The following GRID2 variants were observed in gnomAD, a reference collection of about 807,000 sequenced individuals.
GRID2 encodes the protein glutamate ionotropic receptor delta type subunit 2.
In GRID2, 33 loss-of-function variants were observed where a neutral mutation model predicts 114.8. The observed-to-expected ratio is 0.29, with a 90% CI of 0.22 to 0.38. The LOEUF (loss-of-function observed/expected upper bound fraction) is 0.38. Ranked by LOEUF, GRID2 falls within the 10% of genes least tolerant of loss-of-function variation. GRID2 has a pLI of 1.00. For synonymous variants in GRID2, 505 were observed against 449.9 expected, an observed-to-expected ratio of 1.12 and a Z score of -1.55; for missense variants, 1,184 against 1,257.7, an observed-to-expected ratio of 0.94 and a Z score of 0.89.
At chr4:92,883,859 G>A (rs1428278035) in intron 2 of GRID2, among the ~76,000 whole-genome samples, 2 of 152,158 alleles carry the variant, frequency 1.3e-5, no homozygotes. Flanking sequence ...TGAAGAATAG[G>A]TTAGTATAAA....
chr4:92,539,431 A>T (rs536149143), intron 1 of GRID2, among the ~76,000 whole-genome samples: 68 of 152,202 alleles, frequency 4.5e-4, no homozygotes, highest in African/African-American at 1.6e-3. Flanking sequence ...TAGAAATATA[A>T]TTTTTCTTAT....
intron 9 of GRID2, among the ~76,000 whole-genome samples, chr4:93,420,789 T>C (rs1231734488): frequency 6.6e-6 from 1 of 151,890 alleles, no homozygotes; most frequent in East Asian, 1.9e-4. Context: ...AGTCTCACTC[T>C]GTTGCCCAGG....
At chr4:92,356,244 A>G (rs1728315676) in intron 1 of GRID2, among the ~76,000 whole-genome samples, 1 of 151,582 alleles carries the variant, frequency 6.6e-6, no homozygotes, top group African/African-American at 2.4e-5. Flanking sequence ...TTCTGAAACA[A>G]TAGTTTTATT....
intron 1 of GRID2, among the ~76,000 whole-genome samples, chr4:92,431,320 T>C (rs994645359): frequency 9.9e-5 from 15 of 152,188 alleles, no homozygotes; most frequent in African/African-American, 3.6e-4. Flanking sequence ...TGAAGGGATG[T>C]TGAATTTTAT....
intron 1 of GRID2, among the ~76,000 whole-genome samples, chr4:92,519,921 G>C (rs1382659229): frequency 6.6e-6 from 1 of 151,830 alleles, no homozygotes; most frequent in Non-Finnish European, 1.5e-5. Context: ...ATTGGGGGGC[G>C]GAATTTGCTT....
At chr4:93,134,790 G>A (rs1231543042) in intron 4 of GRID2, among the ~76,000 whole-genome samples, 1 of 152,060 alleles carries the variant, frequency 6.6e-6, no homozygotes, top group East Asian at 1.9e-4. Context: ...GGGTAGTAGA[G>A]GTCCCTTCAC....
intron 9 of GRID2, among the ~76,000 whole-genome samples, chr4:93,398,346 C>T (rs72884543): frequency 0.22 from 33,279 of 150,112 alleles, 5,168 homozygotes; most frequent in African/African-American, 0.44. Flanking sequence ...GTTTTACAGA[C>T]AGTAAGTAGC....
In GRID2 at chr4:93,253,169, T is replaced by G. The variant is rs562231696; in HGVS notation, c.1245+14679T>G. On this transcript the variant is annotated intron_variant, in intron 8 of 15. Transcript: ENST00000282020. ...TACTCAGGAGGCTGAGGCAGGAGAA[T>G]GGCGTGAACCCGGGAGGTGGAGCTT... Among the ~76,000 whole-genome samples, 176 of 151,620 alleles carry G rather than the reference T, an allele frequency of 1.2e-3. 3 individuals are homozygous for G. The highest frequency in any genetic ancestry group is 4.2e-3 in the African/African-American group (175 of 41,372).
intron 2 of GRID2, among the ~76,000 whole-genome samples, chr4:93,034,114 G>A (rs1724694981): frequency 6.6e-6 from 1 of 152,190 alleles, no homozygotes; most frequent in Admixed American, 6.5e-5. Context: ...TTATATGAGT[G>A]AGTCTGCCGG....
intron 13 of GRID2, among the ~76,000 whole-genome samples, chr4:93,557,590 A>G (rs1734447832): frequency 1.3e-5 from 2 of 152,232 alleles, no homozygotes; most frequent in African/African-American, 4.8e-5. Flanking sequence ...TTCATAAAGC[A>G]AGTTCTTAGA....
chr4:92,780,968 G>T (rs1262524484), intron 2 of GRID2, among the ~76,000 whole-genome samples: 1 of 151,922 alleles, frequency 6.6e-6, no homozygotes, highest in Non-Finnish European at 1.5e-5. Flanking sequence ...TAAACAACAG[G>T]TACAAAAAAT....
intron 14 of GRID2, among the ~76,000 whole-genome samples, chr4:93,628,473 A>C (rs1742932306): frequency 6.6e-6 from 1 of 152,136 alleles, no homozygotes; most frequent in African/African-American, 2.4e-5. Flanking sequence ...AGAGAAGGTA[A>C]GCCTGGAACT....
At chr4:93,193,098 T>G (rs1741145610) in intron 4 of GRID2, among the ~76,000 whole-genome samples, 1 of 152,284 alleles carries the variant, frequency 6.6e-6, no homozygotes, top group South Asian at 2.1e-4. Flanking sequence ...CAGAATACTC[T>G]TAAAGACTCT....
intron 1 of GRID2, among the ~76,000 whole-genome samples, chr4:92,457,629 A>G (rs1721282383): frequency 6.6e-6 from 1 of 152,182 alleles, no homozygotes; most frequent in Non-Finnish European, 1.5e-5. Context: ...GCATTCCACA[A>G]GTAATTGTAC....
intron 2 of GRID2, among the ~76,000 whole-genome samples, chr4:92,799,580 C>T (rs1429225382): frequency 2.0e-5 from 3 of 152,056 alleles, no homozygotes; most frequent in South Asian, 2.1e-4. Context: ...TGTGCACATC[C>T]CTAGCATCTC....
chr4:93,722,742 C>T (rs1729494335), intron 14 of GRID2, among the ~76,000 whole-genome samples: 1 of 152,188 alleles, frequency 6.6e-6, no homozygotes, highest in Non-Finnish European at 1.5e-5. Flanking sequence ...ACCTAAGGTA[C>T]TCATCATCTC....
rs534742965 is a variant in GRID2, at chr4:93,042,556, A to T, written c.245-42439A>T. Among the ~76,000 whole-genome samples the T allele has an allele frequency of 9.4e-4, 137 of 146,320 alleles. 1 individual carries two copies. The highest frequency in any genetic ancestry group is 1.4e-3 in the Non-Finnish European group (91 of 66,858). ...TCTAATAGAGAGAATCAGTGTCTAT[A>T]AGACTGTAGCCTATTGGATGGGAAG... On this transcript the variant is annotated intron_variant, in intron 2 of 15. Transcript: ENST00000282020.
intron 1 of GRID2, among the ~76,000 whole-genome samples, chr4:92,453,521 G>T (rs2149081029): frequency 6.6e-6 from 1 of 152,208 alleles, no homozygotes; most frequent in Middle Eastern, 3.4e-3. Flanking sequence ...TGCACCAAAT[G>T]ATTTTTAATG....
chr4:93,264,273 A>G (rs2149554519), intron 8 of GRID2, among the ~76,000 whole-genome samples: 1 of 152,294 alleles, frequency 6.6e-6, no homozygotes, highest in South Asian at 2.1e-4. Context: ...AGAATCCAAC[A>G]GGTAATTTAT....
Sources: allele counts gnomAD v4.1 joint callset (sites outside exome capture counted in the v4.1 genomes callset), GRCh38; gene constraint gnomAD v4.1.1; transcripts MANE v1.5; gene names NCBI Gene and HGNC (gene_info 2026-07-23, HGNC 2026-07-21).